Variants in DENND5A observed in about 807,000 individuals in gnomAD.
The protein encoded by DENND5A is DENN domain-containing protein 5A.
A neutral mutation model predicts 140.3 loss-of-function variants in DENND5A; 64 were observed. That is an observed-to-expected ratio of 0.46 (90% CI 0.37 to 0.56). The LOEUF (loss-of-function observed/expected upper bound fraction) is 0.56, where lower values mean the gene tolerates loss of function less well. Ranked by LOEUF, DENND5A falls within the 20% of genes least tolerant of loss-of-function variation. The pLI, the probability that DENND5A is intolerant of heterozygous loss-of-function variation, is 0.00. For synonymous variants in DENND5A, 605 were observed against 607.7 expected (o/e 1.00, Z 0.07); for missense variants, 1,292 against 1,593.8 (o/e 0.81, Z 3.22).
Position 9,144,178 on chromosome 11 carries a change from T to C in DENND5A, c.3223A>G (p.Arg1075Gly), listed in dbSNP as rs1847342731. Reference sequence around the variant, plus strand: ...TGCAGCGGCGGGGTCCGGCATGGCCTCTCATCCACCTCAGGCTGGGATGTG... The same window carrying C: ...TGCAGCGGCGGGGTCCGGCATGGCCCCTCATCCACCTCAGGCTGGGATGTG... ...LLTSQPEVDE[R>G]PCRTPPLQQS... is the part of the protein sequence containing the mutation. The change falls in exon 19 of 23, where the codon AGG becomes GGG. Residue 1075 changes from arginine to glycine, a missense_variant. Physicochemically the swap from Arg to Gly is moderately radical, Grantham distance 125 (BLOSUM62 -2). This residue lies in a region of DENND5A where 498 missense variants were observed against 689.7 expected (regional missense o/e 0.72). Coordinates refer to ENST00000328194, the MANE Select transcript of DENND5A (RefSeq NM_015213.4). The C allele has an allele frequency of 6.2e-7, 1 of 1,614,024 alleles. No individual in the cohort carries two copies. The highest frequency in any genetic ancestry group is 1.3e-5 in the African/African-American group (1 of 74,900).
At chr11:9,178,389 G>A (rs752130819) in intron 7 of DENND5A, 23 bp from the exon 8 acceptor site, 9 of 1,453,412 alleles carry the variant, frequency 6.2e-6, no homozygotes, top group Non-Finnish European at 8.7e-6. Flanking sequence ...AAAAGAAGCA[G>A]TAATTGACAG....
At chr11:9,169,644 C>T (rs2136156082) in intron 10 of DENND5A, among the ~76,000 whole-genome samples, 1 of 152,130 alleles carries the variant, frequency 6.6e-6, no homozygotes, top group East Asian at 1.9e-4. Flanking sequence ...CGGTTAGTAG[C>T]TAGCTGGAAT....
chr11:9,247,808 CTG>C (rs1223454574), intron 1 of DENND5A, among the ~76,000 whole-genome samples: 1 of 152,168 alleles, frequency 6.6e-6, no homozygotes, highest in Non-Finnish European at 1.5e-5. Flanking sequence ...AAAGCCCTGT[CTG>C]TACTAATGGA....
chr11:9,265,212 TC>T lies in DENND5A; in HGVS notation c.-144del. On this transcript the variant is annotated 5_prime_UTR_variant, in exon 1 of 23. It removes the in-frame stop codon of an upstream open reading frame in the 5' UTR. Coordinates refer to ENST00000328194, the MANE Select transcript of DENND5A (RefSeq NM_015213.4). The surrounding 1 kb of genome is among the most constrained non-coding windows in gnomAD (Gnocchi z 4.7). The stretch of plus-strand genomic sequence containing the variant: ...GCCGCCGCCCCCGGCCCTGGCCCGG[TC>T]CCCTCGGCCGCCGCGGCTGCCGTGA... 1 of 294,610 alleles carries T rather than the reference TC, an allele frequency of 3.4e-6. No homozygotes were observed. 18.2% of individuals were successfully genotyped at this position (294,610 alleles called of 1,614,324 possible). A position where few individuals can be genotyped will look rare whatever the true frequency, so the allele number is the denominator to read the frequency against.
rs974837433 is a variant in DENND5A, at chr11:9,141,924, C to T, written c.3680+16G>A. On this transcript the variant is annotated intron_variant, in intron 22 of 22. Coordinates refer to ENST00000328194, the MANE Select transcript of DENND5A (RefSeq NM_015213.4). ...AGGCTAACCGCTGTGCACTCTGGGC[C>T]CTGGGTCTGCAGTACCTGGCTCCCA... The T allele has an allele frequency of 1.3e-6, 2 of 1,565,070 alleles. No homozygotes were observed.
chr11:9,151,065 T>C (rs1232557375), intron 13 of DENND5A, among the ~76,000 whole-genome samples: 1 of 152,200 alleles, frequency 6.6e-6, no homozygotes, highest in South Asian at 2.1e-4. Context: ...TTTGCCTATG[T>C]CACCAAGCAG....
In DENND5A at chr11:9,172,574, A is replaced by G. The variant is rs115253199; in HGVS notation, c.1907-1797T>C. Among the ~76,000 whole-genome samples, 394 of 152,254 alleles carry G rather than the reference A, an allele frequency of 2.6e-3. 1 individual carries two copies. Among genetic ancestry groups the G allele is most frequent in the African/African-American group, 9.2e-3 (383 of 41,546 alleles). ...TTCTCGCGATAGTGAGTGAGTTCTC[A>G]TAGATGTGATGGTTTCATAAGCATC... On this transcript the variant is annotated intron_variant, in intron 8 of 22. Coordinates refer to ENST00000328194, the MANE Select transcript of DENND5A (RefSeq NM_015213.4).
In DENND5A at chr11:9,150,123, G is replaced by T. The variant is rs746828979; in HGVS notation, c.2693C>A (p.Ser898Tyr). The T allele has an allele frequency of 1.2e-6, 2 of 1,613,924 alleles. No homozygotes were observed. The highest frequency in any genetic ancestry group is 1.7e-6 in the Non-Finnish European group (2 of 1,179,888). ...TGAGAGGAGCTGCTTCAGGTGTCTG[G>T]AAAGTAACTTTTTTTCCATGGACAG... ...VRLSMEKKLL[S>Y]RHLKQLLSDH... is the part of the protein sequence containing the mutation. Residue 898 changes from serine (S) to tyrosine (Y), a missense_variant, in exon 15 of 23, where the codon TCC becomes TAC. Ser to Tyr is a moderately radical substitution (Grantham distance 144). Coordinates refer to ENST00000328194, the MANE Select transcript of DENND5A (RefSeq NM_015213.4).
intron 1 of DENND5A, among the ~76,000 whole-genome samples, chr11:9,234,218 A>G (rs1850901066): frequency 6.6e-6 from 1 of 151,184 alleles, no homozygotes; most frequent in African/African-American, 2.4e-5. Flanking sequence ...CCTCCAAACC[A>G]CATTCCTTTA....
intron 4 of DENND5A, among the ~76,000 whole-genome samples, chr11:9,201,566 A>C (rs1369269420): frequency 6.6e-6 from 1 of 152,072 alleles, no homozygotes; most frequent in Admixed American, 6.6e-5. Flanking sequence ...GCTACACGGG[A>C]AGCTGAGGTG....
intron 1 of DENND5A, among the ~76,000 whole-genome samples, chr11:9,227,395 T>C (rs1246876797): frequency 6.6e-6 from 1 of 152,084 alleles, no homozygotes; most frequent in African/African-American, 2.4e-5. Flanking sequence ...TATGGAAACA[T>C]ACAAATTTAT....
intron 1 of DENND5A, among the ~76,000 whole-genome samples, chr11:9,210,847 T>C (rs1191971046): frequency 6.6e-6 from 1 of 152,196 alleles, no homozygotes; most frequent in Non-Finnish European, 1.5e-5. Context: ...TCTGGCCTCT[T>C]GAAGGTGATA....
At chr11:9,216,405 TG>T (rs1384970470) in intron 1 of DENND5A, among the ~76,000 whole-genome samples, 1 of 152,082 alleles carries the variant, frequency 6.6e-6, no homozygotes, top group Non-Finnish European at 1.5e-5. Context: ...CAATGGAGGA[TG>T]GGGAGTGGCA....
chr11:9,224,460 C>G (rs1012030126), intron 1 of DENND5A, among the ~76,000 whole-genome samples: 1 of 152,184 alleles, frequency 6.6e-6, no homozygotes, highest in Admixed American at 6.5e-5. Context: ...ACAGGGCATG[C>G]TTTTTCGTGC....
At chr11:9,142,700 C>T (rs1847286136) in intron 21 of DENND5A, 22 bp downstream of exon 21, 1 of 1,613,738 alleles carries the variant, frequency 6.2e-7, no homozygotes, top group South Asian at 1.1e-5. Context: ...TTCTCCCACC[C>T]TCATACTCCA....
chr11:9,240,286 C>T (rs982221779), intron 1 of DENND5A, among the ~76,000 whole-genome samples: 2 of 152,062 alleles, frequency 1.3e-5, no homozygotes, highest in African/African-American at 2.4e-5. Flanking sequence ...CCCAGCTACT[C>T]GTTGAGGCTG....
chr11:9,230,417 ATTT>A (rs1289785383), intron 1 of DENND5A, among the ~76,000 whole-genome samples: 74 of 150,698 alleles, frequency 4.9e-4, no homozygotes, highest in African/African-American at 1.7e-3. Flanking sequence ...ATTTTTAAAA[ATTT>A]TTTGCAGACA....
intron 16 of DENND5A, chr11:9,146,696 TTG>T (rs1381503447): frequency 5.3e-6 from 1 of 186,988 alleles, no homozygotes; most frequent in Non-Finnish European, 1.1e-5. Context: ...GGGAGATTCT[TTG>T]TGGGTATGCA....
Position 9,203,642 on chromosome 11 carries a change from T to C in DENND5A, c.949+18A>G. On this transcript the variant is annotated intron_variant, in intron 4 of 22. Coordinates refer to ENST00000328194, the MANE Select transcript of DENND5A (RefSeq NM_015213.4). ...GAAGCCTGAGGCAGGCAGAAGGCTC[T>C]AGTAAGCACTGACTTACGCTGTGAG... The C allele has an allele frequency of 6.3e-7, 1 of 1,596,686 alleles. No homozygotes were observed. Among genetic ancestry groups the C allele is most frequent in the Non-Finnish European group, 8.5e-7 (1 of 1,172,076 alleles).
Sources: gnomAD v4.1 joint callset for allele counts (sites outside exome capture counted in the v4.1 genomes callset) on GRCh38, gnomAD v4.1.1 for gene constraint, gnomAD v4.1.1 regional missense constraint, Gnocchi (gnomAD v3.1) non-coding constraint, MANE v1.5 for transcripts, NCBI Gene and HGNC (gene_info 2026-07-23, HGNC 2026-07-21) for gene names.